The following AFAP1 variants were observed in gnomAD, a reference collection of about 807,000 sequenced individuals.
The protein encoded by AFAP1 is actin filament associated protein 1, also known as actin filament-associated protein 1.
In AFAP1, 75 loss-of-function variants were observed where a neutral mutation model predicts 93.9. That is an observed-to-expected ratio of 0.80 (90% CI 0.66 to 0.97). The LOEUF (loss-of-function observed/expected upper bound fraction) is 0.97. Among genes scored for constraint, AFAP1 ranks in the 50% least tolerant of loss-of-function variants. The pLI, the probability that AFAP1 is intolerant of heterozygous loss-of-function variation, is 0.00. For synonymous variants in AFAP1, 517 were observed against 430.7 expected (o/e 1.20, Z -2.48); for missense variants, 1,201 against 1,050.8 (o/e 1.14, Z -1.98).
intron 9 of AFAP1, among the ~76,000 whole-genome samples, chr4:7,808,753 C>G (rs1002504562): frequency 6.6e-6 from 1 of 152,140 alleles, no homozygotes; most frequent in East Asian, 1.9e-4. Context: ...GCTGCCTTCC[C>G]TGTAGTAATG....
intron 5 of AFAP1, among the ~76,000 whole-genome samples, chr4:7,841,253 T>TTA: frequency 6.6e-6 from 1 of 152,196 alleles, no homozygotes; most frequent in Non-Finnish European, 1.5e-5. Flanking sequence ...GCTCTGGGGC[T>TTA]GGAAGGCCCC....
intron 9 of AFAP1, among the ~76,000 whole-genome samples, chr4:7,803,399 C>CACACA (rs1470170422): frequency 1.3e-5 from 2 of 152,214 alleles, no homozygotes; most frequent in African/African-American, 4.8e-5. Flanking sequence ...TGACAGAGAC[C>CACACA]ACACAGTGCA....
chr4:7,795,471 A>G (rs918544119), intron 10 of AFAP1, among the ~76,000 whole-genome samples: 3 of 114,828 alleles, frequency 2.6e-5, no homozygotes, highest in African/African-American at 7.1e-5. Flanking sequence ...TGTCACTCAG[A>G]CTGGAGTGCA....
At chr4:7,848,373 C>T (rs1714055637) in intron 4 of AFAP1, among the ~76,000 whole-genome samples, 2 of 152,044 alleles carry the variant, frequency 1.3e-5, no homozygotes, top group African/African-American at 2.4e-5. Flanking sequence ...TGGCTCAGTC[C>T]GAGTCCAAAA....
At chr4:7,885,481 T>C (rs1158664954) in intron 1 of AFAP1, among the ~76,000 whole-genome samples, 1 of 152,150 alleles carries the variant, frequency 6.6e-6, no homozygotes, top group Non-Finnish European at 1.5e-5. Context: ...TCACCGCCTC[T>C]CTCCCGCTAT....
At chr4:7,832,793 C>T (rs949361771) in intron 6 of AFAP1, among the ~76,000 whole-genome samples, 4 of 152,038 alleles carry the variant, frequency 2.6e-5, no homozygotes, top group African/African-American at 9.7e-5. Flanking sequence ...AACAAAACAG[C>T]ATGGTACTGG....
At chr4:7,869,754 G>A (rs1056587171) in intron 2 of AFAP1, among the ~76,000 whole-genome samples, 2 of 152,128 alleles carry the variant, frequency 1.3e-5, no homozygotes, top group African/African-American at 2.4e-5. Context: ...AACATGAAAA[G>A]CCCCAGTGCC....
chr4:7,779,145 G>C, intron 13 of AFAP1: 1 of 407,636 alleles, frequency 2.5e-6, no homozygotes, highest in Non-Finnish European at 4.4e-6. Context: ...TCTACTGGCA[G>C]ACCACAAATG....
intron 9 of AFAP1, chr4:7,809,375 A>T (rs767654071): frequency 2.0e-4 from 63 of 319,192 alleles, no homozygotes; most frequent in South Asian, 4.7e-4. Context: ...TTAAAGGGAA[A>T]TTTTTTTTTT....
intron 3 of AFAP1, among the ~76,000 whole-genome samples, chr4:7,857,003 C>G (rs777165134): frequency 4.6e-5 from 7 of 152,216 alleles, no homozygotes; most frequent in African/African-American, 1.7e-4. Flanking sequence ...TAACTGCCAG[C>G]TGGAGTTTTC....
intron 1 of AFAP1, among the ~76,000 whole-genome samples, chr4:7,898,169 G>A (rs1283407826): frequency 6.6e-6 from 1 of 152,204 alleles, no homozygotes; most frequent in East Asian, 1.9e-4. Context: ...CAGCACTTTG[G>A]TAGGCCAAGG....
intron 3 of AFAP1, among the ~76,000 whole-genome samples, chr4:7,860,334 T>G (rs1715537703): frequency 1.3e-5 from 2 of 152,074 alleles, no homozygotes; most frequent in African/African-American, 4.8e-5. Context: ...ACTTACTGCT[T>G]GAGCATCCCA....
intron 2 of AFAP1, among the ~76,000 whole-genome samples, chr4:7,869,178 G>C (rs1055298935): frequency 6.6e-6 from 1 of 150,640 alleles, no homozygotes; most frequent in Non-Finnish European, 1.5e-5. Context: ...GAAAAGAAAA[G>C]AGAAAAGAAA....
intron 3 of AFAP1, among the ~76,000 whole-genome samples, chr4:7,868,276 C>T (rs1716651772): frequency 6.6e-6 from 1 of 152,064 alleles, no homozygotes; most frequent in Non-Finnish European, 1.5e-5. Flanking sequence ...GAGTCAAGTC[C>T]ACAAGGTCTA....
At chr4:7,827,756 G>C (rs539402861) in intron 6 of AFAP1, among the ~76,000 whole-genome samples, 54 of 151,836 alleles carry the variant, frequency 3.6e-4, no homozygotes, top group African/African-American at 1.0e-3. Flanking sequence ...CTGAAAACCA[G>C]ATGTGGAGAA....
In AFAP1 at chr4:7,896,690, C is replaced by G. The variant is rs191555133; in HGVS notation, c.-2-24610G>C. Among the ~76,000 whole-genome samples the G allele has an allele frequency of 9.0e-5, 8 of 89,092 alleles. No individual in the cohort carries two copies. The East Asian group carries it at 3.0e-3, about 33-fold the overall frequency. The allele number at this position is 89,092 out of a possible 152,430, so 58.4% of individuals were successfully genotyped here. On this transcript the variant is annotated intron_variant, in intron 1 of 17. Coordinates refer to ENST00000420658, the MANE Select transcript of AFAP1 (RefSeq NM_001134647.2). ...GGGCTCAGTCCTCACTCCCCACACA[C>G]CCAGGGCTCAGTCCTCATTCCCCCC...
At chr4:7,829,457 G>A (rs1377962913) in intron 6 of AFAP1, among the ~76,000 whole-genome samples, 1 of 152,204 alleles carries the variant, frequency 6.6e-6, no homozygotes, top group Non-Finnish European at 1.5e-5. Flanking sequence ...GGGGTGCTGA[G>A]CAAGGGTAGT....
intron 6 of AFAP1, among the ~76,000 whole-genome samples, chr4:7,834,176 G>A (rs1364173005): frequency 6.7e-6 from 1 of 149,494 alleles, no homozygotes; most frequent in East Asian, 2.0e-4. Context: ...ATACATTAAT[G>A]GCATTTGCAG....
intron 1 of AFAP1, among the ~76,000 whole-genome samples, chr4:7,923,853 C>T (rs1560238638): frequency 2.0e-5 from 3 of 152,152 alleles, no homozygotes; most frequent in East Asian, 3.9e-4. Flanking sequence ...CCCAAAGGTC[C>T]CATCCCCTAA....
Sources: gnomAD v4.1 joint callset for allele counts (sites outside exome capture counted in the v4.1 genomes callset) on GRCh38, gnomAD v4.1.1 for gene constraint, MANE v1.5 for transcripts, NCBI Gene and HGNC (gene_info 2026-07-23, HGNC 2026-07-21) for gene names.